The following PDS5B variants were observed in gnomAD, a reference collection of about 807,000 sequenced individuals.
PDS5B encodes the protein PDS5 cohesin associated factor B, also known as sister chromatid cohesion protein PDS5 homolog B.
In PDS5B, 51 loss-of-function variants were observed where a neutral mutation model predicts 184.1. The ratio of observed to expected loss-of-function variants is 0.28; its 90% CI spans 0.22 to 0.35. The LOEUF (loss-of-function observed/expected upper bound fraction) is 0.35, where lower values mean the gene tolerates loss of function less well. Ranked by LOEUF, PDS5B falls within the 10% of genes least tolerant of loss-of-function variation. The pLI is 1.00. For missense variants in PDS5B, 1,180 were observed against 1,723.3 expected, an observed-to-expected ratio of 0.68 and a Z score of 5.58; for synonymous variants, 566 against 569.2, an observed-to-expected ratio of 0.99 and a Z score of 0.08.
intron 9 of PDS5B, among the ~76,000 whole-genome samples, chr13:32,678,424 C>T (rs892752971): frequency 6.6e-6 from 1 of 152,036 alleles, no homozygotes; most frequent in African/African-American, 2.4e-5. Context: ...AGTGAATGCC[C>T]TATATTTAAA....
chr13:32,716,957 C>T lies in PDS5B; in HGVS notation c.2123+6851C>T, dbSNP rs1164550729. Among the ~76,000 whole-genome samples, 547 of 102,950 alleles carry T rather than the reference C, an allele frequency of 5.3e-3. 38 individuals carry two copies. Among genetic ancestry groups the T allele is most frequent in the African/African-American group, 0.02 (501 of 25,434 alleles). 67.5% of individuals were successfully genotyped at this position (102,950 alleles called of 152,430 possible). ...CTTTTGCCCGGCCAGCCACCCCGTC[C>T]GGGAGGGAGGTGGGGGGGTCAGTCC... On this transcript the variant is annotated intron_variant, in intron 19 of 34. Coordinates refer to ENST00000315596, the MANE Select transcript of PDS5B (RefSeq NM_015032.4).
chr13:32,597,269 C>T (rs1396891802), intron 1 of PDS5B, among the ~76,000 whole-genome samples: 1 of 151,546 alleles, frequency 6.6e-6, no homozygotes, highest in African/African-American at 2.4e-5. Flanking sequence ...TGTTGAACTC[C>T]TAGGCTCAAG....
intron 21 of PDS5B, 148 bp from the exon 22 acceptor site, chr13:32,740,932 A>G: frequency 3.5e-6 from 2 of 567,346 alleles, no homozygotes; most frequent in Non-Finnish European, 6.3e-6. Context: ...TTTAAAGTAA[A>G]TAGGGTTAGA....
intron 2 of PDS5B, 60 bp from the exon 3 acceptor site, chr13:32,651,744 T>G: frequency 9.9e-7 from 1 of 1,011,092 alleles, no homozygotes; most frequent in Non-Finnish European, 1.5e-6. Flanking sequence ...TGACCTTTAT[T>G]TCACATGACT....
At position 32,705,786 on chromosome 13, in the gene PDS5B, C is replaced by T. The variant is rs532385824; in HGVS notation, c.1857-1148C>T. The stretch of plus-strand genomic sequence containing the variant: ...CTTAAGCTACTGTGCTTAAGTGATC[C>T]TCCCAAATAGCTGGGACAACAGGCA... On this transcript the variant is annotated intron_variant, in intron 17 of 34. Transcript: ENST00000315596. 2.0e-5 allele frequency among the ~76,000 whole-genome samples: 3 copies of T among 152,234 alleles called. No homozygotes were observed. In the South Asian group the frequency reaches 6.2e-4, roughly 32 times the overall value.
At chr13:32,611,423 C>A (rs1344439898) in intron 1 of PDS5B, among the ~76,000 whole-genome samples, 1 of 150,704 alleles carries the variant, frequency 6.6e-6, no homozygotes, top group African/African-American at 2.4e-5. Context: ...CCAGTCTTGT[C>A]TTTTTCTACT....
chr13:32,642,701 T>A (rs1214468009), intron 1 of PDS5B, among the ~76,000 whole-genome samples: 2 of 152,100 alleles, frequency 1.3e-5, no homozygotes, highest in African/African-American at 2.4e-5. Flanking sequence ...TCCTTCCACC[T>A]TTTCCTTCAG....
At chr13:32,603,875 G>T (rs974140463) in intron 1 of PDS5B, among the ~76,000 whole-genome samples, 5 of 152,072 alleles carry the variant, frequency 3.3e-5, no homozygotes, top group African/African-American at 1.2e-4. Flanking sequence ...TCATGATTTG[G>T]TTCTCTTTTT....
At chr13:32,640,884 C>T (rs1454580383) in intron 1 of PDS5B, among the ~76,000 whole-genome samples, 2 of 151,444 alleles carry the variant, frequency 1.3e-5, no homozygotes, top group Non-Finnish European at 2.9e-5. Flanking sequence ...GAAACCCCAT[C>T]TCTACTAAAA....
At chr13:32,657,092 C>G (rs529372610) in intron 3 of PDS5B, among the ~76,000 whole-genome samples, 55 of 152,142 alleles carry the variant, frequency 3.6e-4, no homozygotes, top group African/African-American at 1.2e-3. Flanking sequence ...TCTGTTAGGC[C>G]CATTTGGTCA....
At chr13:32,643,091 G>A (rs535432975) in intron 1 of PDS5B, among the ~76,000 whole-genome samples, 1 of 152,236 alleles carries the variant, frequency 6.6e-6, no homozygotes, top group Admixed American at 6.5e-5. Context: ...CCATATTCAT[G>A]TATTTGTTTT....
chr13:32,724,943 C>G (rs1952847261), intron 19 of PDS5B, among the ~76,000 whole-genome samples: 2 of 152,110 alleles, frequency 1.3e-5, no homozygotes, highest in African/African-American at 4.8e-5. Flanking sequence ...TCTGGTTCAA[C>G]TTTTTTATTT....
rs1184860074 is a variant in PDS5B, at chr13:32,659,252, T to C, written c.596T>C (p.Val199Ala). The change falls in exon 6 of 35, where the codon GTT becomes GCT. Residue 199 changes from valine (V) to alanine (A), a missense_variant. Val to Ala is a moderately conservative substitution (Grantham distance 64). Coordinates refer to ENST00000315596, the MANE Select transcript of PDS5B (RefSeq NM_015032.4). Reference protein sequence around the residue: ...DTVSQELLDTVLVNLVPAHKN... With the variant: ...DTVSQELLDTALVNLVPAHKN... ...GTGTCTCAGGAGCTTTTGGATACGG[T>C]TTTAGTAAATCTGGTACCTGCTCAT... 6.3e-7 allele frequency: 1 copy of C among 1,590,756 alleles called. No individual in the cohort carries two copies. The highest frequency in any genetic ancestry group is 8.6e-7 in the Non-Finnish European group (1 of 1,165,094).
intron 1 of PDS5B, among the ~76,000 whole-genome samples, chr13:32,646,481 T>G (rs1283152800): frequency 6.6e-6 from 1 of 151,660 alleles, no homozygotes; most frequent in East Asian, 1.9e-4. Context: ...TGAATGGTAT[T>G]GCTGTGAACA....
intron 1 of PDS5B, among the ~76,000 whole-genome samples, chr13:32,613,928 G>C (rs1222431539): frequency 6.6e-6 from 1 of 152,154 alleles, no homozygotes; most frequent in East Asian, 1.9e-4. Context: ...GTATGAAGTA[G>C]GCATGCACAT....
At chr13:32,717,104 C>T (rs867210185) in intron 19 of PDS5B, among the ~76,000 whole-genome samples, 27 of 147,936 alleles carry the variant, frequency 1.8e-4, no homozygotes, top group Middle Eastern at 7.9e-3. Flanking sequence ...CCGCCCCGTC[C>T]GGGAGGTGAG....
At chr13:32,619,727 G>C (rs1051448408) in intron 1 of PDS5B, among the ~76,000 whole-genome samples, 5 of 152,144 alleles carry the variant, frequency 3.3e-5, no homozygotes, top group Non-Finnish European at 7.4e-5. Context: ...ATGGTTTGTT[G>C]TTGACTGAAA....
At chr13:32,631,163 T>G (rs1389118095) in intron 1 of PDS5B, among the ~76,000 whole-genome samples, 1 of 149,672 alleles carries the variant, frequency 6.7e-6, no homozygotes, top group African/African-American at 2.5e-5. Flanking sequence ...TTGCTTGGGC[T>G]GGGGTGCAGT....
intron 11 of PDS5B, 61 bp downstream of exon 11, chr13:32,684,084 A>G: frequency 1.2e-6 from 1 of 817,630 alleles, no homozygotes; most frequent in Non-Finnish European, 1.8e-6. Context: ...GTTTAACAAT[A>G]TTTGAAAATA....
Sources: allele counts gnomAD v4.1 joint callset (sites outside exome capture counted in the v4.1 genomes callset), GRCh38; gene constraint gnomAD v4.1.1; transcripts MANE v1.5; gene names NCBI Gene and HGNC (gene_info 2026-07-23, HGNC 2026-07-21).